The following KCNMA1 variants were observed in gnomAD, a reference collection of about 807,000 sequenced individuals.
The protein encoded by KCNMA1 is Calcium-activated potassium channel subunit alpha-1.
In KCNMA1, 29 loss-of-function variants were observed where a neutral mutation model predicts 140.0. That is an observed-to-expected ratio of 0.21 (90% confidence interval 0.15 to 0.28). The LOEUF is 0.28. KCNMA1 is among the 10% of genes least tolerant of loss of function. The probability of loss-of-function intolerance (pLI) is 1.00; values close to 1 mark genes in which losing one functional copy is unlikely to be tolerated. For synonymous variants in KCNMA1, 612 were observed against 611.9 expected, an observed-to-expected ratio of 1.00 and a Z score of 0.00; for missense variants, 880 against 1,602.2, an observed-to-expected ratio of 0.55 and a Z score of 7.70.
At chr10:77,507,032 T>C (rs143447612) in intron 1 of KCNMA1, among the ~76,000 whole-genome samples, 41 of 152,278 alleles carry the variant, frequency 2.7e-4, no homozygotes, top group African/African-American at 9.6e-4. Context: ...AGGCCATGCA[T>C]CCCAGACCCA....
chr10:77,625,769 C>T (rs955826278), intron 1 of KCNMA1, among the ~76,000 whole-genome samples: 5 of 152,232 alleles, frequency 3.3e-5, no homozygotes, highest in Admixed American at 6.5e-5. Context: ...CCTTGAATTG[C>T]TTCCACCTTT....
intron 1 of KCNMA1, among the ~76,000 whole-genome samples, chr10:77,477,274 T>C (rs957697565): frequency 1.3e-5 from 2 of 152,224 alleles, no homozygotes; most frequent in African/African-American, 2.4e-5. Flanking sequence ...TGTTGGCTGA[T>C]AGGAATAAGA....
chr10:76,916,312 C>T (rs2052879441), intron 23 of KCNMA1, among the ~76,000 whole-genome samples: 1 of 152,100 alleles, frequency 6.6e-6, no homozygotes, highest in African/African-American at 2.4e-5. Context: ...GGTCCCAGGT[C>T]CAAGCCAAGT....
At chr10:76,980,005 G>A (rs1424802056) in intron 19 of KCNMA1, 2 of 152,132 alleles carry the variant, frequency 1.3e-5, no homozygotes, top group African/African-American at 2.4e-5. Flanking sequence ...AGATGTTCTT[G>A]AACTATAAAA....
intron 2 of KCNMA1, among the ~76,000 whole-genome samples, chr10:77,343,881 G>C (rs2091566153): frequency 6.6e-6 from 1 of 152,206 alleles, no homozygotes; most frequent in South Asian, 2.1e-4. Context: ...GAAGGAACCA[G>C]TCATTGAGGC....
At chr10:77,323,692 G>A (rs932559112) in intron 2 of KCNMA1, among the ~76,000 whole-genome samples, 1 of 152,224 alleles carries the variant, frequency 6.6e-6, no homozygotes, top group Non-Finnish European at 1.5e-5. Context: ...AAGTTACATT[G>A]TATATGAGAT....
rs1055292780 is a variant in KCNMA1 at position 76,935,522 on chromosome 10, C to A, written c.2902+9251G>T. Among the ~76,000 whole-genome samples, 4 of 152,290 alleles carry A rather than the reference C, an allele frequency of 2.6e-5. No homozygotes were observed. The East Asian group carries it at 7.7e-4, about 29-fold the overall frequency. ...TTCCCCTGAATCTCTGCTTTCTCAA[C>A]TGTAAAATGAAGGTGGTAACTCTCC... On this transcript the variant is annotated intron_variant, in intron 23 of 27. Transcript: ENST00000286628.
chr10:77,038,696 C>T (rs1163703271), intron 15 of KCNMA1, among the ~76,000 whole-genome samples: 1 of 152,164 alleles, frequency 6.6e-6, no homozygotes, highest in Non-Finnish European at 1.5e-5. Context: ...TGTGCCACCA[C>T]ACTCGGCTAA....
intron 23 of KCNMA1, among the ~76,000 whole-genome samples, chr10:76,921,655 T>C (rs1439745193): frequency 6.6e-6 from 1 of 152,182 alleles, no homozygotes; most frequent in Non-Finnish European, 1.5e-5. Flanking sequence ...GCCACAGCAG[T>C]CATTTTTGCA....
At chr10:77,317,314 G>A (rs1485630198) in intron 2 of KCNMA1, among the ~76,000 whole-genome samples, 1 of 152,090 alleles carries the variant, frequency 6.6e-6, no homozygotes, top group Non-Finnish European at 1.5e-5. Context: ...AAACCCTATT[G>A]CACTCCACCA....
chr10:77,054,201 A>T (rs1355801476), intron 14 of KCNMA1, among the ~76,000 whole-genome samples: 1 of 152,214 alleles, frequency 6.6e-6, no homozygotes, highest in African/African-American at 2.4e-5. Flanking sequence ...TTCCTCTTTC[A>T]GTTGTTCTTG....
At chr10:77,308,898 G>T (rs1450382754) in intron 2 of KCNMA1, among the ~76,000 whole-genome samples, 2 of 152,160 alleles carry the variant, frequency 1.3e-5, no homozygotes, top group Non-Finnish European at 2.9e-5. Context: ...CAAGGTGCTG[G>T]AGAATTGCTT....
chr10:77,637,226 G>A (rs925457846), intron 1 of KCNMA1, 39 bp downstream of exon 1: 3 of 1,544,772 alleles, frequency 1.9e-6, no homozygotes, highest in Non-Finnish European at 2.6e-6. Context: ...AGAAGCGGTG[G>A]GGCTGGCGCA....
At position 77,015,604 on chromosome 10, in the gene KCNMA1, T is replaced by C. The variant is rs552609105; in HGVS notation, c.2015+3409A>G. Reference sequence around the variant, plus strand: ...ACTCTAAGATCCAACCGCCTTATGATATCACTGTGTGTATGTTTAGTACAC... The same window carrying C: ...ACTCTAAGATCCAACCGCCTTATGACATCACTGTGTGTATGTTTAGTACAC... On this transcript the variant is annotated intron_variant, in intron 17 of 27. Transcript: ENST00000286628. 4.6e-5 allele frequency among the ~76,000 whole-genome samples: 7 copies of C among 152,260 alleles called. No homozygotes were observed. The South Asian group carries it at 1.0e-3, about 23-fold the overall frequency.
Position 77,430,620 on chromosome 10 carries a change from C to T in KCNMA1, c.379-26597G>A, listed in dbSNP as rs576143512. Among the ~76,000 whole-genome samples, 7 of 152,314 alleles carry T rather than the reference C, an allele frequency of 4.6e-5. No homozygotes were observed. In the South Asian group the frequency reaches 1.5e-3, roughly 32 times the overall value. ...GTGAAACATCAGCATTTCTGTTCCC[C>T]AGGAGAACAGACAAAGCAGGCACTT... is the stretch of plus-strand genomic sequence containing the variant. On this transcript the variant is annotated intron_variant, in intron 1 of 27. Transcript: ENST00000286628.
intron 1 of KCNMA1, among the ~76,000 whole-genome samples, chr10:77,595,196 A>C (rs1567763508): frequency 1.3e-5 from 2 of 151,960 alleles, no homozygotes; most frequent in Admixed American, 6.6e-5. Flanking sequence ...AAAATCCAAA[A>C]ATTAGCCGGG....
chr10:77,152,958 G>A (rs1186255944), intron 5 of KCNMA1, among the ~76,000 whole-genome samples: 2 of 152,134 alleles, frequency 1.3e-5, no homozygotes, highest in African/African-American at 4.8e-5. Flanking sequence ...ATGAGAACAT[G>A]GAAAATGTGG....
rs902737378 is a variant in KCNMA1, at chr10:76,885,851, CA to C, written c.*1414del. Reference sequence around the variant, plus strand: ...ACTAAGTGTTAAAAAAGAAAGAAAACAAAAGAAGAAAAAAATAACTATACCA... The same window carrying C: ...ACTAAGTGTTAAAAAAGAAAGAAAACAAAGAAGAAAAAAATAACTATACCA... On this transcript the variant is annotated 3_prime_UTR_variant, in exon 28 of 28. Transcript: ENST00000286628. 16 of 984,916 alleles carry C rather than the reference CA, an allele frequency of 1.6e-5. No individual in the cohort carries two copies. Among genetic ancestry groups the C allele is most frequent in the Non-Finnish European group, 1.8e-5 (15 of 829,676 alleles). The allele number at this position is 984,916 out of a possible 1,614,324, so 61.0% of individuals were successfully genotyped here. A position where few individuals can be genotyped will look rare whatever the true frequency, so the allele number is the denominator to read the frequency against.
At chr10:76,894,046 G>A (rs919600398) in intron 25 of KCNMA1, among the ~76,000 whole-genome samples, 1 of 152,094 alleles carries the variant, frequency 6.6e-6, no homozygotes, top group Non-Finnish European at 1.5e-5. Context: ...AAAGAAAGAC[G>A]AAGTTGGAAG....
Sources: gnomAD v4.1 joint callset for allele counts (sites outside exome capture counted in the v4.1 genomes callset) on GRCh38, gnomAD v4.1.1 for gene constraint, MANE v1.5 for transcripts, NCBI Gene and HGNC (gene_info 2026-07-23, HGNC 2026-07-21) for gene names.